The following LMTK2 variants were observed in gnomAD, a reference collection of about 807,000 sequenced individuals.
LMTK2 encodes the protein lemur tail kinase 2.
Under a neutral mutation model 127.5 loss-of-function variants are expected in LMTK2, and 37 were observed. The observed-to-expected ratio is 0.29, with a 90% CI of 0.22 to 0.38. LMTK2 has a LOEUF of 0.38. LMTK2 is among the 10% of genes least tolerant of loss of function. The pLI is 1.00. For missense variants in LMTK2, 1,694 were observed against 1,920.3 expected (o/e 0.88, Z 2.20); for synonymous variants, 819 against 810.1 (o/e 1.01, Z -0.19).
chr7:98,112,987 GGT>G (rs968996998), intron 1 of LMTK2, among the ~76,000 whole-genome samples: 30 of 152,144 alleles, frequency 2.0e-4, no homozygotes, highest in African/African-American at 6.8e-4. Flanking sequence ...CTCCTGAGTA[GGT>G]GTGTGTCACC....
intron 8 of LMTK2, 59 bp from the exon 9 acceptor site, chr7:98,186,814 AATTC>A: frequency 6.2e-6 from 9 of 1,456,322 alleles, no homozygotes; most frequent in Non-Finnish European, 7.5e-6. Context: ...CATGGATTTA[AATTC>A]TTGAACTCAC....
Position 98,137,458 on chromosome 7 carries a change from A to G in LMTK2, c.231+16A>G, listed in dbSNP as rs1349260623. ...AGACTTTAAGGTGAGCACAGAGGGT[A>G]GGAACATTTAAAATGGTCTTCCAAT... On this transcript the variant is annotated intron_variant, in intron 2 of 13. Coordinates refer to ENST00000297293, the MANE Select transcript of LMTK2 (RefSeq NM_014916.4). The G allele has an allele frequency of 4.4e-6, 7 of 1,600,744 alleles. No individual in the cohort carries two copies. Among genetic ancestry groups the G allele is most frequent in the Non-Finnish European group, 6.0e-6 (7 of 1,175,684 alleles).
chr7:98,129,982 G>T (rs1269465299), intron 1 of LMTK2, among the ~76,000 whole-genome samples: 3 of 152,114 alleles, frequency 2.0e-5, no homozygotes, highest in Non-Finnish European at 4.4e-5. Context: ...AATTGGGGGT[G>T]CACAGGCAGG....
Position 98,107,142 on chromosome 7 carries a change from C to T in LMTK2, c.-36C>T, listed in dbSNP as rs754140383. 29 of 1,399,520 alleles carry T rather than the reference C, an allele frequency of 2.1e-5. No individual in the cohort carries two copies. The South Asian group carries it at 4.3e-4, about 21-fold the overall frequency. 86.7% of individuals were successfully genotyped at this position (1,399,520 alleles called of 1,614,324 possible). A position where few individuals can be genotyped will look rare whatever the true frequency, so the allele number is the denominator to read the frequency against. ...GAACGGACGGACGGACGGAAGGCGA[C>T]TCGAGGGCCGGCCCCGGAGCCGCGC... On this transcript the variant is annotated 5_prime_UTR_variant, in exon 1 of 14. Coordinates refer to ENST00000297293, the MANE Select transcript of LMTK2 (RefSeq NM_014916.4).
chr7:98,201,931 G>A (rs1430343119), intron 11 of LMTK2, among the ~76,000 whole-genome samples: 3 of 152,150 alleles, frequency 2.0e-5, no homozygotes, highest in African/African-American at 4.8e-5. Flanking sequence ...TATTTATCCC[G>A]TTTTTGTTTT....
chr7:98,140,110 CTTT>C (rs1796656670), intron 2 of LMTK2, among the ~76,000 whole-genome samples: 1 of 4,066 alleles, frequency 2.5e-4, no homozygotes, highest in Non-Finnish European at 4.6e-4. Flanking sequence ...TTCTTTCTTT[CTTT>C]CTTTCTTTCT....
At chr7:98,160,362 G>A (rs1206648781) in intron 6 of LMTK2, among the ~76,000 whole-genome samples, 1 of 152,164 alleles carries the variant, frequency 6.6e-6, no homozygotes, top group Admixed American at 6.5e-5. Context: ...ATTGGCAGAG[G>A]TGGTTGATTA....
At chr7:98,176,376 T>C (rs182773686) in intron 7 of LMTK2, among the ~76,000 whole-genome samples, 1 of 152,336 alleles carries the variant, frequency 6.6e-6, no homozygotes, top group Admixed American at 6.5e-5. Context: ...TATCATGCTA[T>C]TGCTAAATGG....
Position 98,194,504 on chromosome 7 carries a change from G to A in LMTK2, c.4039G>A (p.Glu1347Lys), listed in dbSNP as rs150067560. 2.1e-4 allele frequency: 339 copies of A among 1,613,406 alleles called. 2 individuals are homozygous for A. In the Middle Eastern group the frequency reaches 3.8e-3, roughly 18 times the overall value. The stretch of plus-strand genomic sequence containing the variant: ...GGCCAATGCCCCCGACCCACTGCCC[G>A]AGGACTGGAAGAAGGAAAAGAAGGC... ...TAANAPDPLP[E>K]DWKKEKKAVT... is the part of the protein sequence containing the mutation. Residue 1347 changes from glutamate to lysine, a missense_variant, in exon 11 of 14, where the codon GAG (glutamate) becomes AAG (lysine). Physicochemically the swap from Glu to Lys is moderately conservative, Grantham distance 56. This residue lies in a region of LMTK2 where 554 missense variants were observed against 567.7 expected (regional missense o/e 0.98). Transcript: ENST00000297293. The surrounding 1 kb of genome is among the most constrained non-coding windows in gnomAD (Gnocchi z 5.4).
chr7:98,177,431 G>A (rs941591947), intron 7 of LMTK2, among the ~76,000 whole-genome samples: 1 of 152,172 alleles, frequency 6.6e-6, no homozygotes, highest in African/African-American at 2.4e-5. Flanking sequence ...ATTTATGGTG[G>A]GGAGGCCACA....
At chr7:98,184,260 C>T (rs1314087870) in intron 7 of LMTK2, among the ~76,000 whole-genome samples, 2 of 152,090 alleles carry the variant, frequency 1.3e-5, no homozygotes, top group African/African-American at 4.8e-5. Context: ...GGCCATTTTG[C>T]CTCTTAGTGT....
intron 6 of LMTK2, among the ~76,000 whole-genome samples, chr7:98,167,807 C>T (rs568557576): frequency 5.9e-5 from 9 of 152,100 alleles, no homozygotes; most frequent in East Asian, 1.9e-4. Context: ...AGGACCAGGA[C>T]GGAGCTCCAG....
chr7:98,186,652 T>C (rs1797440273), intron 8 of LMTK2, among the ~76,000 whole-genome samples: 1 of 152,196 alleles, frequency 6.6e-6, no homozygotes, highest in Non-Finnish European at 1.5e-5. Context: ...GAAGGATGAC[T>C]TAGCAAGCGT....
intron 2 of LMTK2, among the ~76,000 whole-genome samples, chr7:98,139,480 G>A (rs1164112506): frequency 6.6e-6 from 1 of 152,178 alleles, no homozygotes; most frequent in Non-Finnish European, 1.5e-5. Context: ...GGTATATCTA[G>A]TGGTACATCA....
chr7:98,188,041 C>A, intron 9 of LMTK2, among the ~76,000 whole-genome samples: 1 of 152,110 alleles, frequency 6.6e-6, no homozygotes, highest in African/African-American at 2.4e-5. Context: ...TGAAAATATA[C>A]AAAAATTTGT....
chr7:98,128,468 C>G (rs1217832299), intron 1 of LMTK2, among the ~76,000 whole-genome samples: 2 of 152,216 alleles, frequency 1.3e-5, no homozygotes, highest in African/African-American at 2.4e-5. Flanking sequence ...ACCTAGTCCT[C>G]TAGGACTGTG....
At chr7:98,156,199 G>C (rs562840223) in intron 5 of LMTK2, among the ~76,000 whole-genome samples, 16 of 152,302 alleles carry the variant, frequency 1.1e-4, no homozygotes, top group South Asian at 2.1e-4. Context: ...GGACGCAGTG[G>C]CTCACGCCTG....
intron 6 of LMTK2, among the ~76,000 whole-genome samples, chr7:98,160,387 A>G (rs1797000221): frequency 6.6e-6 from 1 of 152,206 alleles, no homozygotes; most frequent in Non-Finnish European, 1.5e-5. Context: ...ACTTGATAAC[A>G]TTAGCTTTTG....
At position 98,204,198 on chromosome 7, in the gene LMTK2, T is replaced by C. The variant is rs1407056908; in HGVS notation, c.4483+12T>C. On this transcript the variant is annotated intron_variant, in intron 13 of 13. Transcript: ENST00000297293. ...CATCGAGCAGGGCGGTGAGAGGCGCTGCGTGCTGGGGATTGGGAGTGCAGG... is the reference window on the plus strand; with the variant it reads ...CATCGAGCAGGGCGGTGAGAGGCGCCGCGTGCTGGGGATTGGGAGTGCAGG... The C allele has an allele frequency of 1.3e-6, 2 of 1,555,066 alleles. No homozygotes were observed. Among genetic ancestry groups the C allele is most frequent in the African/African-American group, 2.7e-5 (2 of 73,458 alleles).
Sources: allele counts gnomAD v4.1 joint callset (sites outside exome capture counted in the v4.1 genomes callset), GRCh38; gene constraint gnomAD v4.1.1; regional missense constraint gnomAD v4.1.1; non-coding constraint Gnocchi (gnomAD v3.1); transcripts MANE v1.5; gene names NCBI Gene and HGNC (gene_info 2026-07-23, HGNC 2026-07-21).